Variants in BICRAL observed in about 807,000 individuals in gnomAD.
BICRAL encodes the protein BRD4-interacting chromatin-remodeling complex-associated protein-like.
In BICRAL, 8 loss-of-function variants were observed where a neutral mutation model predicts 91.8. The observed-to-expected ratio is 0.09, with a 90% CI of 0.05 to 0.16. The LOEUF is 0.16. Among genes scored for constraint, BICRAL ranks in the 10% least tolerant of loss-of-function variants. The pLI is 1.00. For missense variants in BICRAL, 1,038 were observed against 1,310.9 expected, an observed-to-expected ratio of 0.79 and a Z score of 3.21; for synonymous variants, 445 against 491.1, an observed-to-expected ratio of 0.91 and a Z score of 1.24.
At chr6:42,805,127 A>G (rs1763671977) in intron 1 of BICRAL, among the ~76,000 whole-genome samples, 1 of 152,264 alleles carries the variant, frequency 6.6e-6, no homozygotes, top group Non-Finnish European at 1.5e-5. Context: ...TTCTGAAGAC[A>G]GGCTGAGGTT....
intron 1 of BICRAL, among the ~76,000 whole-genome samples, chr6:42,753,570 T>C (rs1024499828): frequency 6.6e-6 from 1 of 152,146 alleles, no homozygotes; most frequent in Non-Finnish European, 1.5e-5. Flanking sequence ...GGAGTAGTTA[T>C]AGATAGGAGG....
intron 2 of BICRAL, among the ~76,000 whole-genome samples, chr6:42,811,477 T>A (rs1398245440): frequency 1.3e-5 from 2 of 151,912 alleles, no homozygotes; most frequent in Non-Finnish European, 2.9e-5. Context: ...AAAAATTAGC[T>A]GGGCGTGGTG....
intron 1 of BICRAL, among the ~76,000 whole-genome samples, chr6:42,784,212 G>C (rs1254177918): frequency 1.3e-5 from 2 of 152,140 alleles, no homozygotes; most frequent in East Asian, 1.9e-4. Context: ...AGTTAAATAC[G>C]CTTTAAAACA....
At chr6:42,769,994 C>T (rs1205052199) in intron 1 of BICRAL, among the ~76,000 whole-genome samples, 1 of 152,064 alleles carries the variant, frequency 6.6e-6, no homozygotes, top group African/African-American at 2.4e-5. Context: ...GCATTGTGAC[C>T]TGCAGTGTGG....
intron 1 of BICRAL, among the ~76,000 whole-genome samples, chr6:42,758,139 C>T (rs1260085587): frequency 6.6e-6 from 1 of 152,158 alleles, no homozygotes; most frequent in East Asian, 1.9e-4. Context: ...GGCTCCCTCT[C>T]TTCAGGTTTG....
intron 1 of BICRAL, among the ~76,000 whole-genome samples, chr6:42,769,559 C>A (rs939795707): frequency 1.3e-5 from 2 of 152,164 alleles, no homozygotes; most frequent in African/African-American, 4.8e-5. Context: ...CTACTGTGTG[C>A]CAAGTGCCGG....
Position 42,851,120 on chromosome 6 carries a change from G to T in BICRAL, c.1840-972G>T, listed in dbSNP as rs1227774371. On this transcript the variant is annotated intron_variant, in intron 6 of 12. Coordinates refer to ENST00000314073, the MANE Select transcript of BICRAL (RefSeq NM_001393499.1). Reference sequence around the variant, plus strand: ...GAATCCATTGAACTTGGGAGACGGAGGTTGCAGTGAGTCGAGATCGTGCCA... The same window carrying T: ...GAATCCATTGAACTTGGGAGACGGATGTTGCAGTGAGTCGAGATCGTGCCA... 3.9e-5 allele frequency among the ~76,000 whole-genome samples: 6 copies of T among 152,314 alleles called. No individual in the cohort carries two copies. The East Asian group carries it at 1.2e-3, about 29-fold the overall frequency.
chr6:42,774,059 AGAG>A (rs1762778152), intron 1 of BICRAL, among the ~76,000 whole-genome samples: 1 of 152,212 alleles, frequency 6.6e-6, no homozygotes, highest in South Asian at 2.1e-4. Context: ...GAGATTTCAG[AGAG>A]GAGAACTAAG....
intron 1 of BICRAL, among the ~76,000 whole-genome samples, chr6:42,775,325 G>A (rs954240200): frequency 2.0e-5 from 3 of 152,126 alleles, no homozygotes; most frequent in Non-Finnish European, 2.9e-5. Flanking sequence ...CTTTACATGG[G>A]TGTTCTATCT....
chr6:42,862,385 G>C lies in BICRAL; in HGVS notation c.2350-125G>C, dbSNP rs1765578856. On this transcript the variant is annotated intron_variant, in intron 11 of 12. Coordinates refer to ENST00000314073, the MANE Select transcript of BICRAL (RefSeq NM_001393499.1). ...GCACACCAGGGAGAGGCAAAGAAAG[G>C]AGGCTCACTTTTCACATGCCCTGTA... 5 of 691,154 alleles carry C rather than the reference G, an allele frequency of 7.2e-6. No individual in the cohort carries two copies. The Admixed American group carries it at 1.0e-4, about 14-fold the overall frequency. 42.8% of individuals were successfully genotyped at this position (691,154 alleles called of 1,614,324 possible).
chr6:42,822,909 C>T lies in BICRAL; in HGVS notation c.91-26C>T, dbSNP rs1764182826. 3.2e-6 allele frequency: 5 copies of T among 1,550,994 alleles called. No homozygotes were observed. The African/African-American group carries it at 4.1e-5, about 13-fold the overall frequency. ...TCTGCTTTACAGTTAAAGTAGTAAC[C>T]ACCTATTGAATTTGTATCTTTGCAG... On this transcript the variant is annotated intron_variant, in intron 4 of 12. Coordinates refer to ENST00000314073, the MANE Select transcript of BICRAL (RefSeq NM_001393499.1).
chr6:42,773,121 C>T (rs1354933026), intron 1 of BICRAL, among the ~76,000 whole-genome samples: 4 of 151,452 alleles, frequency 2.6e-5, no homozygotes, highest in Non-Finnish European at 4.4e-5. Context: ...CTCTGTCGCC[C>T]GGGCTGGAGT....
intron 2 of BICRAL, among the ~76,000 whole-genome samples, chr6:42,819,303 TGAGACAG>T (rs1764075614): frequency 6.6e-6 from 1 of 152,230 alleles, no homozygotes; most frequent in African/African-American, 2.4e-5. Flanking sequence ...TTTTATTTTT[TGAGACAG>T]AATCTCTCTC....
In BICRAL at chr6:42,868,051, C is replaced by T. The variant is rs1765764599; in HGVS notation, c.*2605C>T. 1 of 150,142 alleles carries T rather than the reference C, an allele frequency of 6.7e-6. No homozygotes were observed. Among genetic ancestry groups the T allele is most frequent in the Admixed American group, 6.7e-5 (1 of 14,954 alleles). The allele number at this position is 150,142 out of a possible 1,614,324, so 9.3% of individuals were successfully genotyped here. A position where few individuals can be genotyped will look rare whatever the true frequency, so the allele number is the denominator to read the frequency against. On this transcript the variant is annotated 3_prime_UTR_variant, in exon 13 of 13. Coordinates refer to ENST00000314073, the MANE Select transcript of BICRAL (RefSeq NM_001393499.1). ...GTTAAGTTTTAGAACTATTTGTACT[C>T]AGTAACAAAAATCATTTTCTTTTTT...
intron 1 of BICRAL, among the ~76,000 whole-genome samples, chr6:42,747,373 A>G (rs188411268): frequency 6.6e-6 from 1 of 152,332 alleles, no homozygotes; most frequent in African/African-American, 2.4e-5. Flanking sequence ...CCCAGCCTCC[A>G]TCGTTTAAAT....
At position 42,829,922 on chromosome 6, in the gene BICRAL, C is replaced by T. The variant is rs544780541; in HGVS notation, c.1589C>T (p.Ser530Leu). The stretch of plus-strand genomic sequence containing the variant: ...AGACCTGGCTTCGCCACCATGCCAT[C>T]GGTGACAAGCATGTCAGGACCTAGT... ...QGRPGFATMP[S>L]VTSMSGPSRF... Residue 530 changes from serine (S) to leucine (L), a missense_variant, in exon 6 of 13, where the codon TCG becomes TTG. By Grantham distance (145) the Ser-to-Leu change is moderately radical (BLOSUM62 -2). Transcript: ENST00000314073. The T allele has an allele frequency of 1.5e-5, 24 of 1,614,242 alleles. No individual in the cohort carries two copies. The highest frequency in any genetic ancestry group is 6.6e-5 in the South Asian group (6 of 91,082).
intron 6 of BICRAL, among the ~76,000 whole-genome samples, chr6:42,844,171 G>C (rs1764905695): frequency 6.7e-6 from 1 of 150,102 alleles, no homozygotes; most frequent in African/African-American, 2.4e-5. Context: ...AGATAGAGTA[G>C]AAAACAGCCA....
chr6:42,834,693 C>G (rs1274779001), intron 6 of BICRAL, among the ~76,000 whole-genome samples: 2 of 152,044 alleles, frequency 1.3e-5, no homozygotes, highest in Admixed American at 1.3e-4. Flanking sequence ...TTTTAATGCT[C>G]AAGTCTACCC....
intron 8 of BICRAL, among the ~76,000 whole-genome samples, chr6:42,855,546 CATGATGATG>C (rs113362170): frequency 2.7e-5 from 4 of 150,618 alleles, no homozygotes; most frequent in African/African-American, 7.4e-5. Context: ...TGTCAAAAAA[CATGATGATG>C]ATGATGATGA....
Sources: gnomAD v4.1 joint callset for allele counts (sites outside exome capture counted in the v4.1 genomes callset) on GRCh38, gnomAD v4.1.1 for gene constraint, MANE v1.5 for transcripts, NCBI Gene and HGNC (gene_info 2026-07-23, HGNC 2026-07-21) for gene names.